KCNH8: variants seen among roughly 807,000 people sequenced by gnomAD.
KCNH8 encodes the protein voltage-gated delayed rectifier potassium channel KCNH8.
KCNH8 carries 70 observed loss-of-function variants against 103.6 expected under a neutral mutation model. The ratio of observed to expected loss-of-function variants is 0.68; its 90% CI spans 0.56 to 0.82. KCNH8 has a LOEUF of 0.82. KCNH8 is among the 40% of genes least tolerant of loss of function. The pLI is 0.00. For missense variants in KCNH8, 1,217 were observed against 1,329.9 expected, an observed-to-expected ratio of 0.92 and a Z score of 1.32; for synonymous variants, 498 against 489.4, an observed-to-expected ratio of 1.02 and a Z score of -0.23.
chr3:19,439,498 C>A (rs1195261487), intron 8 of KCNH8, among the ~76,000 whole-genome samples: 2 of 152,130 alleles, frequency 1.3e-5, no homozygotes, highest in African/African-American at 4.8e-5. Flanking sequence ...AACAAAAATA[C>A]ACTTCCTAAG....
At chr3:19,432,837 C>G (rs1449250303) in intron 7 of KCNH8, among the ~76,000 whole-genome samples, 6 of 152,094 alleles carry the variant, frequency 3.9e-5, no homozygotes, top group Non-Finnish European at 5.9e-5. Flanking sequence ...CTTTGTTATG[C>G]TTTTTTCTAT....
At chr3:19,457,462 G>A (rs973216086) in intron 11 of KCNH8, among the ~76,000 whole-genome samples, 12 of 151,982 alleles carry the variant, frequency 7.9e-5, no homozygotes, top group African/African-American at 2.7e-4. Context: ...GGATTCAAGC[G>A]AAGGATTGTC....
chr3:19,338,248 G>T (rs868780996), intron 3 of KCNH8, among the ~76,000 whole-genome samples: 3 of 151,502 alleles, frequency 2.0e-5, no homozygotes, highest in East Asian at 1.9e-4. Flanking sequence ...AACTCTTCTG[G>T]ACTTTCTTCA....
chr3:19,501,468 A>T (rs2125233752), intron 11 of KCNH8, among the ~76,000 whole-genome samples: 1 of 152,302 alleles, frequency 6.6e-6, no homozygotes, highest in East Asian at 1.9e-4. Flanking sequence ...GCAGAGACAC[A>T]ACCAAAAAAG....
intron 12 of KCNH8, among the ~76,000 whole-genome samples, chr3:19,511,952 C>G (rs2068790698): frequency 6.6e-6 from 1 of 151,998 alleles, no homozygotes; most frequent in Non-Finnish European, 1.5e-5. Context: ...TCCATATACA[C>G]CAAAAAAAAC....
At chr3:19,181,768 A>G (rs943676527) in intron 1 of KCNH8, among the ~76,000 whole-genome samples, 1 of 152,198 alleles carries the variant, frequency 6.6e-6, no homozygotes, top group African/African-American at 2.4e-5. Flanking sequence ...TTATTAGCAT[A>G]CATATTCAAG....
chr3:19,256,488 A>C (rs1173525319), intron 2 of KCNH8, among the ~76,000 whole-genome samples: 1 of 152,140 alleles, frequency 6.6e-6, no homozygotes, highest in Admixed American at 6.6e-5. Flanking sequence ...GCAGACTGGC[A>C]GGGAGTGACA....
chr3:19,264,826 A>G (rs889220606), intron 2 of KCNH8, among the ~76,000 whole-genome samples: 2 of 152,044 alleles, frequency 1.3e-5, no homozygotes, highest in Non-Finnish European at 2.9e-5. Context: ...TCCTATTACT[A>G]TCATATTTCA....
intron 3 of KCNH8, among the ~76,000 whole-genome samples, chr3:19,330,014 T>TAA (rs35275404): frequency 2.7e-5 from 4 of 146,486 alleles, no homozygotes; most frequent in Non-Finnish European, 1.5e-5. Context: ...TTTCTAAAAG[T>TAA]AAAAAAAAAA....
At chr3:19,428,708 T>G (rs991695186) in intron 7 of KCNH8, among the ~76,000 whole-genome samples, 5 of 152,196 alleles carry the variant, frequency 3.3e-5, no homozygotes, top group African/African-American at 1.2e-4. Context: ...AAAGAATAAG[T>G]AAACTTACAT....
intron 2 of KCNH8, among the ~76,000 whole-genome samples, chr3:19,279,141 T>G (rs1230445106): frequency 1.3e-5 from 2 of 152,180 alleles, no homozygotes; most frequent in Non-Finnish European, 2.9e-5. Flanking sequence ...GATTATTAGT[T>G]TAGCCTGATG....
chr3:19,409,271 C>G (rs1052348134), intron 7 of KCNH8, among the ~76,000 whole-genome samples: 3 of 152,018 alleles, frequency 2.0e-5, no homozygotes, highest in African/African-American at 7.2e-5. Context: ...CCAAGCTGAA[C>G]TCATAAATGA....
At chr3:19,302,935 C>T (rs1482360072) in intron 3 of KCNH8, among the ~76,000 whole-genome samples, 1 of 152,164 alleles carries the variant, frequency 6.6e-6, no homozygotes, top group Non-Finnish European at 1.5e-5. Flanking sequence ...AAGTCACAAG[C>T]CACTATTATC....
chr3:19,453,511 A>G (rs1444884285), intron 10 of KCNH8, among the ~76,000 whole-genome samples: 1 of 152,152 alleles, frequency 6.6e-6, no homozygotes, highest in African/African-American at 2.4e-5. Context: ...CCATTATTGA[A>G]TTTAAATCAT....
At chr3:19,441,943 T>A (rs1304969817) in intron 8 of KCNH8, among the ~76,000 whole-genome samples, 1 of 152,140 alleles carries the variant, frequency 6.6e-6, no homozygotes, top group Non-Finnish European at 1.5e-5. Context: ...TTGGAGGAGA[T>A]GGGCTTAAAC....
intron 7 of KCNH8, among the ~76,000 whole-genome samples, chr3:19,422,546 C>T (rs1230284363): frequency 6.6e-6 from 1 of 152,062 alleles, no homozygotes; most frequent in Non-Finnish European, 1.5e-5. Context: ...AGTTAGCTTA[C>T]CTACAGATAA....
At chr3:19,281,873 T>C (rs2064761444) in intron 3 of KCNH8, among the ~76,000 whole-genome samples, 1 of 152,150 alleles carries the variant, frequency 6.6e-6, no homozygotes, top group South Asian at 2.1e-4. Context: ...TTCAGTTATC[T>C]TTAAAGGAGT....
At position 19,411,376 on chromosome 3, in the gene KCNH8, A is replaced by G. The variant is rs559592310; in HGVS notation, c.1177+16065A>G. Reference sequence around the variant, plus strand: ...CAAAAGAACACATCTTGAAACAGTAAGAGCCATCTATGACATACCCCCAGC... The same window carrying G: ...CAAAAGAACACATCTTGAAACAGTAGGAGCCATCTATGACATACCCCCAGC... On this transcript the variant is annotated intron_variant, in intron 7 of 15. Coordinates refer to ENST00000328405, the MANE Select transcript of KCNH8 (RefSeq NM_144633.3). 2.0e-5 allele frequency among the ~76,000 whole-genome samples: 3 copies of G among 152,236 alleles called. No individual in the cohort carries two copies. The East Asian group carries it at 5.8e-4, about 29-fold the overall frequency.
intron 2 of KCNH8, among the ~76,000 whole-genome samples, chr3:19,267,350 A>C (rs764648976): frequency 3.3e-5 from 5 of 152,060 alleles, no homozygotes; most frequent in Non-Finnish European, 7.4e-5. Flanking sequence ...ATTTTACTCT[A>C]CCTAGAAACT....
Sources: allele counts gnomAD v4.1 joint callset (sites outside exome capture counted in the v4.1 genomes callset), GRCh38; gene constraint gnomAD v4.1.1; transcripts MANE v1.5; gene names NCBI Gene and HGNC (gene_info 2026-07-23, HGNC 2026-07-21).